The following BICC1 variants were observed in gnomAD, a reference collection of about 807,000 sequenced individuals.
The protein encoded by BICC1 is BicC family RNA binding protein 1.
Under a neutral mutation model 111.0 loss-of-function variants are expected in BICC1, and 43 were observed. The observed-to-expected ratio is 0.39, with a 90% CI of 0.30 to 0.50. The LOEUF (loss-of-function observed/expected upper bound fraction) is 0.50. Ranked by LOEUF, BICC1 falls within the 20% of genes least tolerant of loss-of-function variation. BICC1 has a pLI of 0.88. For synonymous variants in BICC1, 467 were observed against 434.4 expected (o/e 1.07, Z -0.93); for missense variants, 1,091 against 1,203.2 (o/e 0.91, Z 1.38).
Position 58,512,927 on chromosome 10 carries a change from GCCGCGACC to G in BICC1, c.-215_-208del, listed in dbSNP as rs1842130966. Reference sequence around the variant, plus strand: ...GCGCAGCCACTGGACCCGGACCGGGGCCGCGACCCGGGGTGGCGGGTGGCGTGGGCGGC... The same window carrying G: ...GCGCAGCCACTGGACCCGGACCGGGGCGGGGTGGCGGGTGGCGTGGGCGGC... On this transcript the variant is annotated 5_prime_UTR_variant, in exon 1 of 21. Transcript: ENST00000373886. 6.8e-6 allele frequency among the ~76,000 whole-genome samples: 1 copy of G among 147,206 alleles called. No individual in the cohort carries two copies. The highest frequency in any genetic ancestry group is 6.7e-5 in the Admixed American group (1 of 14,818).
At chr10:58,793,693 A>T in intron 9 of BICC1, 78 bp downstream of exon 9, 1 of 1,459,766 alleles carries the variant, frequency 6.9e-7, no homozygotes, top group South Asian at 1.2e-5. Flanking sequence ...AGAAGTATTT[A>T]TTTGCATATA....
At chr10:58,669,237 C>A (rs965651359) in intron 2 of BICC1, among the ~76,000 whole-genome samples, 1 of 151,830 alleles carries the variant, frequency 6.6e-6, no homozygotes, top group African/African-American at 2.4e-5. Flanking sequence ...TTCCTTTGAG[C>A]CTCATGTAAG....
chr10:58,786,804 G>A (rs1031811280), intron 4 of BICC1, 119 bp from the exon 5 acceptor site: 1 of 562,404 alleles, frequency 1.8e-6, no homozygotes, highest in Non-Finnish European at 2.8e-6. Flanking sequence ...ATCTTATTAA[G>A]AAATAAGATT....
intron 3 of BICC1, among the ~76,000 whole-genome samples, chr10:58,714,762 G>C (rs1458721951): frequency 2.6e-5 from 4 of 151,652 alleles, no homozygotes; most frequent in Non-Finnish European, 5.9e-5. Flanking sequence ...TGGCTGGACA[G>C]AATTCAGGGA....
At chr10:58,524,092 G>T (rs1334093799) in intron 1 of BICC1, among the ~76,000 whole-genome samples, 1 of 152,090 alleles carries the variant, frequency 6.6e-6, no homozygotes, top group Non-Finnish European at 1.5e-5. Context: ...TCATGGGTAG[G>T]AAGACTCAAT....
chr10:58,815,597 T>TA (rs1844063110), intron 18 of BICC1, among the ~76,000 whole-genome samples: 1 of 152,078 alleles, frequency 6.6e-6, no homozygotes, highest in South Asian at 2.1e-4. Flanking sequence ...GATACATTAA[T>TA]AAAAAGGAAT....
At chr10:58,721,290 G>A (rs1840932257) in intron 3 of BICC1, among the ~76,000 whole-genome samples, 1 of 152,098 alleles carries the variant, frequency 6.6e-6, no homozygotes, top group Non-Finnish European at 1.5e-5. Flanking sequence ...TATGCTCCCT[G>A]GGATCACCTC....
chr10:58,606,124 C>T (rs1845203946), intron 1 of BICC1, among the ~76,000 whole-genome samples: 1 of 152,000 alleles, frequency 6.6e-6, no homozygotes, highest in Admixed American at 6.5e-5. Flanking sequence ...TATTTGCCTT[C>T]TGGCCTGGCT....
intron 19 of BICC1, among the ~76,000 whole-genome samples, chr10:58,819,150 A>G (rs575479243): frequency 6.6e-6 from 1 of 152,284 alleles, no homozygotes; most frequent in Admixed American, 6.6e-5. Flanking sequence ...CCTTCCAGCT[A>G]TAACAGCGTA....
At chr10:58,629,457 A>G (rs779312786) in intron 2 of BICC1, among the ~76,000 whole-genome samples, 9 of 152,192 alleles carry the variant, frequency 5.9e-5, no homozygotes, top group Non-Finnish European at 2.9e-5. Flanking sequence ...TTAATGGGCT[A>G]TGCATCTATA....
chr10:58,572,224 A>G (rs112181725), intron 1 of BICC1, among the ~76,000 whole-genome samples: 6,259 of 152,160 alleles, frequency 0.041, 404 homozygotes, highest in African/African-American at 0.14. Context: ...GCTGGATATT[A>G]GATCTTTGTC....
chr10:58,634,298 C>T (rs1037552570), intron 2 of BICC1, among the ~76,000 whole-genome samples: 3 of 152,082 alleles, frequency 2.0e-5, no homozygotes, highest in Admixed American at 2.0e-4. Flanking sequence ...GGCCTAGGGG[C>T]AGATTTTCAG....
chr10:58,602,297 G>A (rs571888579), intron 1 of BICC1, among the ~76,000 whole-genome samples: 168 of 152,252 alleles, frequency 1.1e-3, no homozygotes, highest in Non-Finnish European at 1.8e-3. Context: ...ATGGCTTAGA[G>A]TATGACCAAT....
At chr10:58,578,551 A>G (rs1589114083) in intron 1 of BICC1, among the ~76,000 whole-genome samples, 1 of 152,206 alleles carries the variant, frequency 6.6e-6, no homozygotes, top group Non-Finnish European at 1.5e-5. Flanking sequence ...AATAACCCAC[A>G]TTCCTGCCTT....
intron 2 of BICC1, among the ~76,000 whole-genome samples, chr10:58,671,806 T>C (rs139182059): frequency 1.3e-5 from 2 of 152,324 alleles, no homozygotes; most frequent in East Asian, 3.9e-4. Flanking sequence ...CTCTTCCATG[T>C]AAATGGCTAT....
intron 15 of BICC1, among the ~76,000 whole-genome samples, chr10:58,804,282 G>A (rs1008599980): frequency 2.6e-5 from 4 of 152,104 alleles, no homozygotes; most frequent in Admixed American, 1.3e-4. Flanking sequence ...TTCAGAGGCC[G>A]AGGCAGGTGG....
At chr10:58,767,210 T>G (rs1053299835) in intron 3 of BICC1, among the ~76,000 whole-genome samples, 25 of 152,152 alleles carry the variant, frequency 1.6e-4, no homozygotes, top group Admixed American at 1.5e-3. Flanking sequence ...TTGGCTTGAC[T>G]CTGGGATTGG....
chr10:58,787,019 ACC>A lies in BICC1; in HGVS notation c.485_486del (p.Thr162ArgfsTer13). The part of the protein sequence containing the change: ...GNNIKKVMEE[T>X]GCHIHFPDSN... ...CAATATTAAAAAAGTGATGGAAGAA[ACC>A]GGATGCCATATCCACTTTCCAGATT... On this transcript the variant is annotated frameshift_variant, in exon 5 of 21. Transcript: ENST00000373886. LOFTEE classifies it high-confidence loss of function. 1 of 1,608,864 alleles carries A rather than the reference ACC, an allele frequency of 6.2e-7. No individual in the cohort carries two copies. Among genetic ancestry groups the A allele is most frequent in the Non-Finnish European group, 8.5e-7 (1 of 1,178,032 alleles).
intron 1 of BICC1, among the ~76,000 whole-genome samples, chr10:58,563,892 A>G (rs1321020412): frequency 8.3e-6 from 1 of 120,418 alleles, no homozygotes; most frequent in Non-Finnish European, 1.9e-5. Context: ...TAGATTGCAT[A>G]TTTGAGTACT....
Sources: allele counts gnomAD v4.1 joint callset (sites outside exome capture counted in the v4.1 genomes callset), GRCh38; gene constraint gnomAD v4.1.1; transcripts MANE v1.5; gene names NCBI Gene and HGNC (gene_info 2026-07-23, HGNC 2026-07-21).